The following SFXN1 variants were observed in gnomAD, a reference collection of about 807,000 sequenced individuals.
The protein encoded by SFXN1 is sideroflexin 1, also known as sideroflexin-1.
A neutral mutation model predicts 39.5 loss-of-function variants in SFXN1; 32 were observed. That is an observed-to-expected ratio of 0.81 (90% CI 0.61 to 1.09). The LOEUF is 1.09. Among genes scored for constraint, SFXN1 ranks in the 50% least tolerant of loss-of-function variants. SFXN1 has a pLI of 0.00. For synonymous variants in SFXN1, 136 were observed against 146.5 expected, an observed-to-expected ratio of 0.93 and a Z score of 0.52; for missense variants, 402 against 407.1, an observed-to-expected ratio of 0.99 and a Z score of 0.11.
intron 2 of SFXN1, 82 bp from the exon 3 acceptor site, chr5:175,508,950 A>T: frequency 7.2e-7 from 1 of 1,393,500 alleles, no homozygotes; most frequent in Non-Finnish European, 9.7e-7. Context: ...ATAAACTTTT[A>T]AAACCTTGTA....
chr5:175,517,841 G>A (rs375801024), intron 8 of SFXN1, among the ~76,000 whole-genome samples: 17 of 152,146 alleles, frequency 1.1e-4, no homozygotes, highest in African/African-American at 4.1e-4. Flanking sequence ...CCATGCGGTG[G>A]TGTGCCTTGG....
At chr5:175,494,621 G>A (rs959206769) in intron 2 of SFXN1, among the ~76,000 whole-genome samples, 2 of 151,956 alleles carry the variant, frequency 1.3e-5, no homozygotes, top group African/African-American at 4.8e-5. Flanking sequence ...GCGTGGTGGT[G>A]CATGTCTGTA....
intron 1 of SFXN1, among the ~76,000 whole-genome samples, chr5:175,480,930 G>C (rs1397371409): frequency 6.6e-6 from 1 of 152,200 alleles, no homozygotes; most frequent in Non-Finnish European, 1.5e-5. Context: ...GGGGAACAAA[G>C]GGCTGTTGTC....
rs559890515 is a variant in SFXN1 at position 175,522,484 on chromosome 5, G to A, written c.872+62G>A. 15 of 1,504,358 alleles carry A rather than the reference G, an allele frequency of 1.0e-5. No individual in the cohort carries two copies. The African/African-American group carries it at 1.3e-4, about 13-fold the overall frequency. The allele number at this position is 1,504,358 out of a possible 1,614,324, so 93.2% of individuals were successfully genotyped here. A position where few individuals can be genotyped will look rare whatever the true frequency, so the allele number is the denominator to read the frequency against. ...TTAATCCTAAAAACCAATTGAAGGT[G>A]CAGGTGCCATTATTCCATTTCATTG... On this transcript the variant is annotated intron_variant, in intron 10 of 10. Coordinates refer to ENST00000321442, the MANE Select transcript of SFXN1 (RefSeq NM_022754.7).
At chr5:175,496,376 A>G (rs61568712) in intron 2 of SFXN1, among the ~76,000 whole-genome samples, 5,514 of 151,986 alleles carry the variant, frequency 0.036, 365 homozygotes, top group African/African-American at 0.13. Flanking sequence ...CCATCTCAAA[A>G]AAAAAAATAG....
At chr5:175,499,538 A>G (rs547228860) in intron 2 of SFXN1, among the ~76,000 whole-genome samples, 1 of 152,366 alleles carries the variant, frequency 6.6e-6, no homozygotes, top group African/African-American at 2.4e-5. Context: ...TCACTGTATC[A>G]GTAGACTAAA....
chr5:175,509,954 G>T (rs1479400918), intron 3 of SFXN1, among the ~76,000 whole-genome samples, 155 bp from the exon 4 acceptor site: 1 of 152,118 alleles, frequency 6.6e-6, no homozygotes, highest in Non-Finnish European at 1.5e-5. Flanking sequence ...GAGGATAAAA[G>T]CTTGCCCAGC....
At chr5:175,515,235 A>T (rs559836125) in intron 7 of SFXN1, among the ~76,000 whole-genome samples, 2 of 152,248 alleles carry the variant, frequency 1.3e-5, no homozygotes, top group South Asian at 4.2e-4. Context: ...CAATTAGTCT[A>T]GAACTCCTGG....
At chr5:175,508,389 C>G (rs552816511) in intron 2 of SFXN1, among the ~76,000 whole-genome samples, 1 of 151,820 alleles carries the variant, frequency 6.6e-6, no homozygotes, top group African/African-American at 2.4e-5. Flanking sequence ...CAATGCCTGA[C>G]TAGTTTTTAT....
chr5:175,518,195 C>G (rs528725212), intron 8 of SFXN1, among the ~76,000 whole-genome samples: 22 of 152,252 alleles, frequency 1.4e-4, no homozygotes, highest in Admixed American at 7.8e-4. Context: ...TCTCTTTAAA[C>G]TTGGGTCATT....
At chr5:175,508,988 A>G (rs774587482) in intron 2 of SFXN1, 44 bp from the exon 3 acceptor site, 8 of 1,551,930 alleles carry the variant, frequency 5.2e-6, no homozygotes, top group Non-Finnish European at 7.0e-6. Flanking sequence ...CACTGGGGAG[A>G]TATTTGAAAT....
intron 8 of SFXN1, among the ~76,000 whole-genome samples, chr5:175,521,019 G>C (rs1760863772): frequency 6.6e-6 from 1 of 151,898 alleles, no homozygotes; most frequent in Admixed American, 6.6e-5. Context: ...TGGGGACCAG[G>C]GTATGCCTCC....
In SFXN1 at chr5:175,510,170, T is replaced by C; in HGVS notation, c.397T>C (p.Tyr133His). The C allele has an allele frequency of 6.2e-7, 1 of 1,613,468 alleles. No homozygotes were observed. Among genetic ancestry groups the C allele is most frequent in the South Asian group, 1.1e-5 (1 of 90,816 alleles). The change falls in exon 4 of 11, where the codon TAC (tyrosine) becomes CAC (histidine). Residue 133 changes from tyrosine to histidine, a missense_variant. By Grantham distance (83) the Tyr-to-His change is moderately conservative. Coordinates refer to ENST00000321442, the MANE Select transcript of SFXN1 (RefSeq NM_022754.7). ...INQSFNAVVN[Y>H]TNRSGDAPLT... ...CCAGTCCTTCAATGCCGTCGTCAAT[T>C]ACACCAACAGAAGTGGAGACGCACC... is the stretch of plus-strand genomic sequence containing the variant.
chr5:175,493,885 A>G (rs762073441), intron 2 of SFXN1, among the ~76,000 whole-genome samples: 9 of 152,202 alleles, frequency 5.9e-5, no homozygotes, highest in Admixed American at 5.9e-4. Flanking sequence ...TCTTTGTCAC[A>G]TATTCTTGTT....
At chr5:175,480,113 GTGTT>G (rs1306266654) in intron 1 of SFXN1, among the ~76,000 whole-genome samples, 5 of 152,106 alleles carry the variant, frequency 3.3e-5, no homozygotes, top group African/African-American at 1.2e-4. Context: ...CAAAAATACA[GTGTT>G]TGGGCCAGGC....
At chr5:175,520,541 TC>T (rs1490293429) in intron 8 of SFXN1, among the ~76,000 whole-genome samples, 3 of 152,262 alleles carry the variant, frequency 2.0e-5, no homozygotes, top group Admixed American at 1.3e-4. Flanking sequence ...AAAGAGCCTT[TC>T]CGTCAAAACC....
chr5:175,501,063 ATTTTTTTTTTT>A (rs531862744), intron 2 of SFXN1, among the ~76,000 whole-genome samples: 1 of 116,088 alleles, frequency 8.6e-6, no homozygotes, highest in Non-Finnish European at 1.7e-5. Flanking sequence ...ATGGGCAAAG[ATTTTTTTTTTT>A]TTTTTTTTTT....
At chr5:175,490,655 G>A (rs1209441283) in intron 1 of SFXN1, among the ~76,000 whole-genome samples, 1 of 152,166 alleles carries the variant, frequency 6.6e-6, no homozygotes, top group African/African-American at 2.4e-5. Flanking sequence ...CCTTTATAGT[G>A]CTTAAAATCC....
chr5:175,498,899 C>T (rs911951224), intron 2 of SFXN1, among the ~76,000 whole-genome samples: 1 of 152,032 alleles, frequency 6.6e-6, no homozygotes, highest in African/African-American at 2.4e-5. Context: ...AAAATCTTTC[C>T]CACAAAAATC....
Sources: gnomAD v4.1 joint callset for allele counts (sites outside exome capture counted in the v4.1 genomes callset) on GRCh38, gnomAD v4.1.1 for gene constraint, MANE v1.5 for transcripts, NCBI Gene and HGNC (gene_info 2026-07-23, HGNC 2026-07-21) for gene names.